The following GRID2 variants were observed in gnomAD, a reference collection of about 807,000 sequenced individuals.
GRID2 encodes the protein glutamate receptor ionotropic, delta-2.
GRID2 carries 33 observed loss-of-function variants against 114.8 expected under a neutral mutation model. That is an observed-to-expected ratio of 0.29 (90% CI 0.22 to 0.38). GRID2 has a LOEUF of 0.38. GRID2 is among the 10% of genes least tolerant of loss of function. GRID2 has a pLI of 1.00. For missense variants in GRID2, 1,184 were observed against 1,257.7 expected, an observed-to-expected ratio of 0.94 and a Z score of 0.89; for synonymous variants, 505 against 449.9, an observed-to-expected ratio of 1.12 and a Z score of -1.55.
At chr4:93,759,077 C>T (rs1732995396) in intron 14 of GRID2, among the ~76,000 whole-genome samples, 1 of 152,060 alleles carries the variant, frequency 6.6e-6, no homozygotes, top group East Asian at 1.9e-4. Context: ...CCGCCCAGTA[C>T]TCATTTTATG....
At chr4:93,278,490 G>A (rs1320873334) in intron 8 of GRID2, among the ~76,000 whole-genome samples, 3 of 151,916 alleles carry the variant, frequency 2.0e-5, no homozygotes, top group African/African-American at 7.2e-5. Flanking sequence ...GGCTAATGCC[G>A]AATGGGCATG....
chr4:92,657,747 T>C (rs1732318797), intron 2 of GRID2, among the ~76,000 whole-genome samples: 1 of 151,832 alleles, frequency 6.6e-6, no homozygotes, highest in Admixed American at 6.6e-5. Flanking sequence ...TTATTTTTTA[T>C]TGAAAAAATC....
In GRID2 at chr4:92,665,408, T is replaced by C. The variant is rs933819358; in HGVS notation, c.244+75122T>C. Among the ~76,000 whole-genome samples the C allele has an allele frequency of 2.6e-5, 4 of 151,178 alleles. No individual in the cohort carries two copies. In the East Asian group the frequency reaches 7.8e-4, roughly 29 times the overall value. On this transcript the variant is annotated intron_variant, in intron 2 of 15. Transcript: ENST00000282020. Reference sequence around the variant, plus strand: ...TGTGTCCAAAAATGTAAAGTAATAATTTTTCCTAAAGCATTAGTACCTTAA... The same window carrying C: ...TGTGTCCAAAAATGTAAAGTAATAACTTTTCCTAAAGCATTAGTACCTTAA...
At chr4:92,466,494 AT>A (rs1338454929) in intron 1 of GRID2, among the ~76,000 whole-genome samples, 1 of 151,772 alleles carries the variant, frequency 6.6e-6, no homozygotes, top group Non-Finnish European at 1.5e-5. Context: ...GTATGCCTTT[AT>A]CAAAACATCT....
chr4:92,657,912 C>A (rs1445273290), intron 2 of GRID2, among the ~76,000 whole-genome samples: 1 of 150,720 alleles, frequency 6.6e-6, no homozygotes, highest in Non-Finnish European at 1.5e-5. Flanking sequence ...AGATGTGTAT[C>A]TTTGTTCAGA....
At chr4:93,271,808 T>TA (rs1299526121) in intron 8 of GRID2, among the ~76,000 whole-genome samples, 4 of 147,796 alleles carry the variant, frequency 2.7e-5, no homozygotes, top group African/African-American at 1.0e-4. Context: ...TTATGCAATC[T>TA]AACATTAACA....
At chr4:93,612,035 C>T (rs1030238813) in intron 13 of GRID2, among the ~76,000 whole-genome samples, 3 of 151,758 alleles carry the variant, frequency 2.0e-5, no homozygotes, top group African/African-American at 7.3e-5. Context: ...ATAGTTAGCT[C>T]CTCTTGTTGA....
At chr4:92,466,112 A>G (rs1380890298) in intron 1 of GRID2, among the ~76,000 whole-genome samples, 1 of 151,822 alleles carries the variant, frequency 6.6e-6, no homozygotes, top group East Asian at 1.9e-4. Flanking sequence ...ATTACTTTTA[A>G]TTACACTATA....
chr4:92,862,159 T>G (rs895052076), intron 2 of GRID2, among the ~76,000 whole-genome samples: 1 of 152,014 alleles, frequency 6.6e-6, no homozygotes, highest in Non-Finnish European at 1.5e-5. Context: ...GACAAGCATT[T>G]CAGGACCTTT....
chr4:93,163,090 A>G (rs1292296541), intron 4 of GRID2, among the ~76,000 whole-genome samples: 2 of 151,876 alleles, frequency 1.3e-5, no homozygotes, highest in Non-Finnish European at 2.9e-5. Context: ...ATGGTAAATA[A>G]CATACACATT....
At chr4:93,652,205 A>C (rs1722639462) in intron 14 of GRID2, among the ~76,000 whole-genome samples, 1 of 152,072 alleles carries the variant, frequency 6.6e-6, no homozygotes, top group Non-Finnish European at 1.5e-5. Flanking sequence ...AGAGGTTAGA[A>C]TACAGACATG....
At chr4:92,607,209 A>G (rs1729502005) in intron 2 of GRID2, among the ~76,000 whole-genome samples, 1 of 152,038 alleles carries the variant, frequency 6.6e-6, no homozygotes, top group South Asian at 2.1e-4. Context: ...AACACTAGGC[A>G]TAAGTGGGTG....
chr4:92,380,846 A>G (rs1049892917), intron 1 of GRID2, among the ~76,000 whole-genome samples: 2 of 152,000 alleles, frequency 1.3e-5, no homozygotes, highest in Admixed American at 6.6e-5. Context: ...GGTACATATA[A>G]TACTATATCT....
At chr4:92,972,807 T>C (rs1753611660) in intron 2 of GRID2, among the ~76,000 whole-genome samples, 1 of 152,012 alleles carries the variant, frequency 6.6e-6, no homozygotes, top group Admixed American at 6.6e-5. Flanking sequence ...CCTCTATGTG[T>C]TTATGTGTTC....
chr4:92,419,583 G>T (rs557948707), intron 1 of GRID2, among the ~76,000 whole-genome samples: 2 of 152,072 alleles, frequency 1.3e-5, no homozygotes, highest in Non-Finnish European at 2.9e-5. Flanking sequence ...GATTGGGCAG[G>T]TTCAAGTGGG....
intron 2 of GRID2, among the ~76,000 whole-genome samples, chr4:92,883,647 A>C (rs1476619735): frequency 6.6e-6 from 1 of 152,200 alleles, no homozygotes; most frequent in Non-Finnish European, 1.5e-5. Flanking sequence ...GTTAGCAGGC[A>C]TGAAAACAAT....
At chr4:92,372,780 C>T (rs1030384826) in intron 1 of GRID2, among the ~76,000 whole-genome samples, 4 of 151,912 alleles carry the variant, frequency 2.6e-5, no homozygotes, top group African/African-American at 9.7e-5. Flanking sequence ...AGTTACTATG[C>T]CCATTTGTAC....
At position 92,438,913 on chromosome 4, in the gene GRID2, C is replaced by A. The variant is rs1000764535; in HGVS notation, c.88+134169C>A. Among the ~76,000 whole-genome samples the A allele has an allele frequency of 2.6e-5, 4 of 152,238 alleles. No homozygotes were observed. The East Asian group carries it at 7.7e-4, about 29-fold the overall frequency. Reference sequence around the variant, plus strand: ...TATTGCCAGCACTGTGAGATAGTTACAGTATATCCTGCCTTCTCTCCAACA... The same window carrying A: ...TATTGCCAGCACTGTGAGATAGTTAAAGTATATCCTGCCTTCTCTCCAACA... On this transcript the variant is annotated intron_variant, in intron 1 of 15. Coordinates refer to ENST00000282020, the MANE Select transcript of GRID2 (RefSeq NM_001510.4).
chr4:93,190,290 A>G (rs1740860687), intron 4 of GRID2, among the ~76,000 whole-genome samples: 1 of 152,124 alleles, frequency 6.6e-6, no homozygotes, highest in Admixed American at 6.5e-5. Context: ...ATTTTATTAA[A>G]CTACATCTCA....
Sources: allele counts gnomAD v4.1 joint callset (sites outside exome capture counted in the v4.1 genomes callset), GRCh38; gene constraint gnomAD v4.1.1; transcripts MANE v1.5; gene names NCBI Gene and HGNC (gene_info 2026-07-23, HGNC 2026-07-21).